Variants in ASIC2 observed in about 807,000 individuals in gnomAD.
The protein encoded by ASIC2 is acid-sensing ion channel 2.
Under a neutral mutation model 57.3 loss-of-function variants are expected in ASIC2, and 25 were observed. The ratio of observed to expected loss-of-function variants is 0.44; its 90% CI spans 0.32 to 0.61. ASIC2 has a LOEUF of 0.61. ASIC2 is among the 20% of genes least tolerant of loss of function. The pLI, the probability that ASIC2 is intolerant of heterozygous loss-of-function variation, is 0.06. For missense variants in ASIC2, 641 were observed against 738.1 expected, an observed-to-expected ratio of 0.87 and a Z score of 1.52; for synonymous variants, 319 against 307.5, an observed-to-expected ratio of 1.04 and a Z score of -0.39.
intron 1 of ASIC2, among the ~76,000 whole-genome samples, chr17:34,012,741 G>C (rs994739416): frequency 6.6e-6 from 1 of 151,620 alleles, no homozygotes; most frequent in East Asian, 1.9e-4. Context: ...TAAATTCCCG[G>C]AGACTACCAC....
At chr17:33,949,784 A>G (rs1341460709) in intron 1 of ASIC2, among the ~76,000 whole-genome samples, 1 of 152,214 alleles carries the variant, frequency 6.6e-6, no homozygotes, top group Non-Finnish European at 1.5e-5. Flanking sequence ...TGGAAGAGAT[A>G]GTCATAGAAA....
chr17:33,809,464 T>C (rs1912359354), intron 1 of ASIC2, among the ~76,000 whole-genome samples: 1 of 152,214 alleles, frequency 6.6e-6, no homozygotes, highest in South Asian at 2.1e-4. Context: ...TGATTGATTG[T>C]GCCTTTCTTA....
At chr17:33,424,177 C>T (rs573936909) in intron 1 of ASIC2, among the ~76,000 whole-genome samples, 54 of 152,320 alleles carry the variant, frequency 3.5e-4, no homozygotes, top group African/African-American at 1.2e-3. Context: ...CTGGTCACTG[C>T]CCACACTGGC....
At chr17:33,807,537 AG>A (rs1201094532) in intron 1 of ASIC2, among the ~76,000 whole-genome samples, 1 of 152,144 alleles carries the variant, frequency 6.6e-6, no homozygotes, top group Non-Finnish European at 1.5e-5. Context: ...GGAGTAATTC[AG>A]GGTTCAGTCT....
At chr17:33,211,187 C>T (rs911164659) in intron 1 of ASIC2, among the ~76,000 whole-genome samples, 3 of 152,096 alleles carry the variant, frequency 2.0e-5, no homozygotes, top group Middle Eastern at 3.2e-3. Context: ...GGCCCTTCCA[C>T]GGACCAAGGG....
At chr17:33,053,435 C>A (rs958955202) in intron 3 of ASIC2, among the ~76,000 whole-genome samples, 2 of 152,102 alleles carry the variant, frequency 1.3e-5, no homozygotes, top group South Asian at 4.1e-4. Flanking sequence ...TAAAAAGGAC[C>A]TTGGCCCCTT....
intron 1 of ASIC2, among the ~76,000 whole-genome samples, chr17:33,264,746 A>C (rs527875408): frequency 1.3e-4 from 20 of 152,234 alleles, no homozygotes; most frequent in African/African-American, 4.8e-4. Flanking sequence ...GGTTTCCCCA[A>C]CTCTAAGACT....
intron 1 of ASIC2, among the ~76,000 whole-genome samples, chr17:33,186,843 G>A (rs1274626277): frequency 6.6e-6 from 1 of 152,158 alleles, no homozygotes; most frequent in Non-Finnish European, 1.5e-5. Flanking sequence ...TGCTTCATGA[G>A]CTGAGCAAAA....
At chr17:33,342,708 A>G (rs1028230968) in intron 1 of ASIC2, among the ~76,000 whole-genome samples, 18 of 152,144 alleles carry the variant, frequency 1.2e-4, no homozygotes, top group Non-Finnish European at 4.4e-5. Context: ...TCCTTGATGC[A>G]TGCAGCCTCA....
intron 1 of ASIC2, among the ~76,000 whole-genome samples, chr17:33,585,792 AT>A (rs779743608): frequency 7.2e-5 from 11 of 152,268 alleles, no homozygotes; most frequent in Middle Eastern, 3.4e-3. Flanking sequence ...GTTTTATCTA[AT>A]TTGTAGTTTT....
At position 34,037,382 on chromosome 17, in the gene ASIC2, T is replaced by C. The variant is rs1597986942; in HGVS notation, c.555+118596A>G. ...TCAGAGCAGCCACACACAGTGGCCGTTGACGCTGGAACCTCGGGCGGGGCC... is the reference window on the plus strand; with the variant it reads ...TCAGAGCAGCCACACACAGTGGCCGCTGACGCTGGAACCTCGGGCGGGGCC... On this transcript the variant is annotated intron_variant, in intron 1 of 9. Transcript: ENST00000359872. The C allele has an allele frequency of 6.5e-6, 3 of 459,128 alleles. No homozygotes were observed. In the South Asian group the frequency reaches 1.0e-4, roughly 16 times the overall value. The allele number at this position is 459,128 out of a possible 1,614,324, so 28.4% of individuals were successfully genotyped here.
chr17:33,794,617 T>C (rs887703937), intron 1 of ASIC2: 2 of 152,322 alleles, frequency 1.3e-5, no homozygotes, highest in Admixed American at 6.5e-5. Context: ...TTCAAAAATT[T>C]AGATGACTCA....
At chr17:33,155,530 T>C (rs1207449960) in intron 1 of ASIC2, among the ~76,000 whole-genome samples, 2 of 149,292 alleles carry the variant, frequency 1.3e-5, no homozygotes, top group African/African-American at 2.4e-5. Context: ...AAGCCTTACT[T>C]TTTTTTTTTC....
intron 1 of ASIC2, among the ~76,000 whole-genome samples, chr17:33,475,547 A>G (rs1187160973): frequency 1.3e-5 from 2 of 152,196 alleles, no homozygotes; most frequent in Admixed American, 1.3e-4. Context: ...TTGGTTGGAC[A>G]TAGTCTTAGG....
At chr17:33,839,128 C>T (rs1425045976) in intron 1 of ASIC2, among the ~76,000 whole-genome samples, 1 of 152,186 alleles carries the variant, frequency 6.6e-6, no homozygotes, top group Non-Finnish European at 1.5e-5. Context: ...TAACTACATG[C>T]CCTAATAGGT....
At chr17:33,641,320 T>G (rs1281559829) in intron 1 of ASIC2, among the ~76,000 whole-genome samples, 1 of 152,194 alleles carries the variant, frequency 6.6e-6, no homozygotes, top group African/African-American at 2.4e-5. Flanking sequence ...GAACCCACCT[T>G]CACTTCTTTA....
chr17:33,989,176 G>A (rs1400626255), intron 1 of ASIC2, among the ~76,000 whole-genome samples: 1 of 152,044 alleles, frequency 6.6e-6, no homozygotes, highest in Non-Finnish European at 1.5e-5. Context: ...CACCAGTGAA[G>A]GGTAAAGGAG....
intron 1 of ASIC2, among the ~76,000 whole-genome samples, chr17:33,975,324 G>A (rs1208107599): frequency 6.6e-6 from 1 of 152,166 alleles, no homozygotes; most frequent in Non-Finnish European, 1.5e-5. Flanking sequence ...TGGAGGCCCA[G>A]TCTAGTCCTC....
chr17:33,198,398 G>T (rs1167040991), intron 1 of ASIC2, among the ~76,000 whole-genome samples: 1 of 152,232 alleles, frequency 6.6e-6, no homozygotes, highest in Admixed American at 6.5e-5. Flanking sequence ...TGTTGCATGG[G>T]TCAATCAGTT....
Sources: gnomAD v4.1 joint callset for allele counts (sites outside exome capture counted in the v4.1 genomes callset) on GRCh38, gnomAD v4.1.1 for gene constraint, MANE v1.5 for transcripts, NCBI Gene and HGNC (gene_info 2026-07-23, HGNC 2026-07-21) for gene names.